COL5A2: variants seen among roughly 807,000 people sequenced by gnomAD.
COL5A2 encodes collagen type V alpha 2 chain.
A neutral mutation model predicts 208.2 loss-of-function variants in COL5A2; 23 were observed. The observed-to-expected ratio is 0.11, with a 90% CI of 0.08 to 0.16. COL5A2 has a LOEUF of 0.16. Ranked by LOEUF, COL5A2 falls within the 10% of genes least tolerant of loss-of-function variation. The pLI, the probability that COL5A2 is intolerant of heterozygous loss-of-function variation, is 1.00. For synonymous variants in COL5A2, 625 were observed against 628.5 expected (o/e 0.99, Z 0.08); for missense variants, 1,590 against 1,956.4 (o/e 0.81, Z 3.53).
chr2:189,310,884 A>C, the COL5A2 span, among the ~76,000 whole-genome samples: 1 of 152,160 alleles, frequency 6.6e-6, no homozygotes, highest in Admixed American at 6.5e-5. Context: ...AAAACGATTA[A>C]ACTCATACAG....
the COL5A2 span, among the ~76,000 whole-genome samples, chr2:189,412,576 T>C: frequency 7.5e-4 from 114 of 152,362 alleles, no homozygotes; most frequent in African/African-American, 2.6e-3. Context: ...TTTGCAGTTG[T>C]GGCTTCAGTT....
intron 1 of COL5A2, among the ~76,000 whole-genome samples, chr2:189,176,723 A>G (rs560829507): frequency 6.6e-6 from 1 of 152,118 alleles, no homozygotes; most frequent in South Asian, 2.1e-4. Context: ...ACACACGCAC[A>G]CACACTCTTT....
intron 2 of COL5A2, among the ~76,000 whole-genome samples, chr2:189,108,992 G>A (rs1204536197): frequency 1.4e-5 from 2 of 146,072 alleles, no homozygotes; most frequent in Non-Finnish European, 3.0e-5. Context: ...TTTGGTTCAC[G>A]GTAAAATGAT....
At chr2:189,186,191 C>G (rs973347632) in intron 1 of COL5A2, among the ~76,000 whole-genome samples, 2 of 151,972 alleles carry the variant, frequency 1.3e-5, no homozygotes, top group African/African-American at 4.8e-5. Flanking sequence ...AGAGATGGGT[C>G]TCTCCATCTT....
chr2:189,431,264 T>C, the COL5A2 span, among the ~76,000 whole-genome samples: 2 of 152,252 alleles, frequency 1.3e-5, no homozygotes, highest in South Asian at 2.1e-4. Context: ...CTGAAAATTC[T>C]AAAAACCAGA....
intron 5 of COL5A2, among the ~76,000 whole-genome samples, chr2:189,098,041 C>CCCCA (rs1189838778): frequency 6.6e-6 from 1 of 152,028 alleles, no homozygotes; most frequent in African/African-American, 2.4e-5. Flanking sequence ...TTTTTCCCCC[C>CCCCA]CTGGGAAATG....
At chr2:189,415,586 T>A in the COL5A2 span, among the ~76,000 whole-genome samples, 1 of 152,328 alleles carries the variant, frequency 6.6e-6, no homozygotes, top group Non-Finnish European at 1.5e-5. Flanking sequence ...TTGGTCCTGT[T>A]TTAAGTAGTT....
the COL5A2 span, among the ~76,000 whole-genome samples, chr2:189,343,094 G>A: frequency 6.6e-6 from 1 of 151,844 alleles, no homozygotes; most frequent in African/African-American, 2.4e-5. Flanking sequence ...CACAGAAACA[G>A]GAGAAAAACT....
At chr2:189,422,820 C>T in the COL5A2 span, among the ~76,000 whole-genome samples, 14 of 151,892 alleles carry the variant, frequency 9.2e-5, no homozygotes, top group Admixed American at 2.0e-4. Context: ...GTCAGGAGTT[C>T]GAGACCAGCT....
intron 45 of COL5A2, among the ~76,000 whole-genome samples, chr2:189,046,853 C>T (rs1685679328): frequency 6.6e-6 from 1 of 151,456 alleles, no homozygotes; most frequent in South Asian, 2.1e-4. Context: ...CACAGTGGCT[C>T]ACAAAGTGGG....
At chr2:189,112,044 G>A (rs373285355) in intron 1 of COL5A2, among the ~76,000 whole-genome samples, 3 of 151,838 alleles carry the variant, frequency 2.0e-5, no homozygotes, top group Non-Finnish European at 4.4e-5. Flanking sequence ...TTTTGTTTTA[G>A]TGGAGACGGG....
chr2:189,309,723 C>T, the COL5A2 span, among the ~76,000 whole-genome samples: 1 of 152,208 alleles, frequency 6.6e-6, no homozygotes. Flanking sequence ...AGGCAAGAAT[C>T]AAGGTTGCCG....
At chr2:189,166,275 G>T (rs761165373) in intron 1 of COL5A2, among the ~76,000 whole-genome samples, 4 of 151,970 alleles carry the variant, frequency 2.6e-5, no homozygotes, top group Non-Finnish European at 5.9e-5. Flanking sequence ...GAGGCATAAG[G>T]TTCTACCCAG....
the COL5A2 span, chr2:189,311,462 T>G: frequency 1.8e-6 from 2 of 1,088,044 alleles, no homozygotes; most frequent in Non-Finnish European, 2.7e-6. Context: ...CAGCAGGGCC[T>G]CCTATTCCTG....
chr2:189,162,430 T>A lies in COL5A2; in HGVS notation c.97+17078A>T, dbSNP rs116660796. ...GAGCATCATTTTGTTTAATAAAACG[T>A]TGAATTTGTCAGAATCATCCAAAGC... is the stretch of plus-strand genomic sequence containing the variant. On this transcript the variant is annotated intron_variant, in intron 1 of 53. Transcript: ENST00000374866. 7.6e-3 allele frequency among the ~76,000 whole-genome samples: 1,165 copies of A among 152,338 alleles called. 12 individuals are homozygous for A. Among genetic ancestry groups the A allele is most frequent in the African/African-American group, 0.026 (1,077 of 41,578 alleles).
chr2:189,195,573 G>A (rs151222343), intron 1 of COL5A2, among the ~76,000 whole-genome samples: 4,902 of 152,198 alleles, frequency 0.032, 95 homozygotes, highest in South Asian at 0.05. Flanking sequence ...TATACTACAA[G>A]TCTACAGTAA....
intron 1 of COL5A2, among the ~76,000 whole-genome samples, chr2:189,172,968 CTTTTTTTTT>C (rs11286911): frequency 1.1e-4 from 11 of 96,528 alleles, no homozygotes; most frequent in African/African-American, 3.0e-4. Context: ...TTTTCCTCTT[CTTTTTTTTT>C]TTTTTTTTTT....
At chr2:189,075,349 G>T in intron 17 of COL5A2, 44 bp downstream of exon 17, 4 of 1,335,418 alleles carry the variant, frequency 3.0e-6, no homozygotes, top group Non-Finnish European at 3.2e-6. Context: ...ATGGAAGAAT[G>T]CATGAATAAA....
rs1223634219 is a variant in COL5A2, at chr2:189,042,666, A to G, written c.3525+54T>C. The G allele has an allele frequency of 2.6e-6, 4 of 1,526,620 alleles. No homozygotes were observed. The African/African-American group carries it at 4.1e-5, about 16-fold the overall frequency. 94.6% of individuals were successfully genotyped at this position (1,526,620 alleles called of 1,614,324 possible). ...AACGATACTCAAGCATTAGCAGTAC[A>G]TCAACAAAGGCATTATTATTTACAC... On this transcript the variant is annotated intron_variant, in intron 49 of 53. Coordinates refer to ENST00000374866, the MANE Select transcript of COL5A2 (RefSeq NM_000393.5).
Sources: gnomAD v4.1 joint callset for allele counts (sites outside exome capture counted in the v4.1 genomes callset) on GRCh38, gnomAD v4.1.1 for gene constraint, MANE v1.5 for transcripts, NCBI Gene and HGNC (gene_info 2026-07-23, HGNC 2026-07-21) for gene names.